Variants in ARHGAP42 observed in about 807,000 individuals in gnomAD.
ARHGAP42 encodes rho GTPase-activating protein 42.
ARHGAP42 carries 63 observed loss-of-function variants against 125.0 expected under a neutral mutation model. The observed-to-expected ratio is 0.50, with a 90% CI of 0.41 to 0.62. The LOEUF is 0.62. ARHGAP42 is among the 20% of genes least tolerant of loss of function. The pLI is 0.00. For synonymous variants in ARHGAP42, 339 were observed against 351.0 expected (o/e 0.97, Z 0.38); for missense variants, 766 against 1,024.2 (o/e 0.75, Z 3.44).
At chr11:100,892,871 T>C (rs532358467) in intron 4 of ARHGAP42, among the ~76,000 whole-genome samples, 47 of 152,234 alleles carry the variant, frequency 3.1e-4, no homozygotes, top group Admixed American at 4.6e-4. Context: ...TACTAAAGAG[T>C]TGAAAAATTC....
At chr11:100,937,767 A>G (rs1229385374) in intron 8 of ARHGAP42, among the ~76,000 whole-genome samples, 1 of 152,222 alleles carries the variant, frequency 6.6e-6, no homozygotes, top group Non-Finnish European at 1.5e-5. Flanking sequence ...ATTAGCTTGC[A>G]ATATTATTTT....
At position 100,797,018 on chromosome 11, in the gene ARHGAP42, T is replaced by C. The variant is rs546940524; in HGVS notation, c.312+1852T>C. 8.6e-4 allele frequency among the ~76,000 whole-genome samples: 131 copies of C among 152,246 alleles called. 1 individual carries two copies. Among genetic ancestry groups the C allele is most frequent in the African/African-American group, 3.1e-3 (127 of 41,556 alleles). On this transcript the variant is annotated intron_variant, in intron 3 of 23. Transcript: ENST00000298815. ...TCCTGACCTCGTGATCAGCCTGCCT[T>C]GGCCTCCCAAAATGCTGGGATTACA...
At chr11:100,875,773 G>A (rs1188101876) in intron 4 of ARHGAP42, among the ~76,000 whole-genome samples, 1 of 151,882 alleles carries the variant, frequency 6.6e-6, no homozygotes, top group African/African-American at 2.4e-5. Context: ...GGGGGTGACT[G>A]GACAGGGCCA....
At chr11:100,841,812 C>G (rs1199692466) in intron 3 of ARHGAP42, among the ~76,000 whole-genome samples, 1 of 152,168 alleles carries the variant, frequency 6.6e-6, no homozygotes, top group South Asian at 2.1e-4. Flanking sequence ...AAGGTATCTC[C>G]TCACTGAGGC....
At chr11:100,814,666 G>A (rs1406642208) in intron 3 of ARHGAP42, among the ~76,000 whole-genome samples, 6 of 152,060 alleles carry the variant, frequency 3.9e-5, no homozygotes, top group Non-Finnish European at 7.4e-5. Flanking sequence ...CAAACTGGAG[G>A]GAGAGAGAGA....
In ARHGAP42 at chr11:100,976,361, C is replaced by G; in HGVS notation, c.2160C>G (p.Val720=). The stretch of plus-strand genomic sequence containing the variant: ...ACGTTTCCCCACCCATAGACCTAGT[C>G]AAGAAAGAGCCTTATGGGCTTTCAG... ...PGDVSPPIDL[V]KKEPYGLSGL... is the part of the protein sequence containing the mutation. Residue 720 remains valine, a synonymous_variant, in exon 20 of 24, where the codon GTC becomes GTG. Transcript: ENST00000298815. 1 of 1,551,152 alleles carries G rather than the reference C, an allele frequency of 6.4e-7. No individual in the cohort carries two copies. The highest frequency in any genetic ancestry group is 2.0e-5 in the Admixed American group (1 of 50,838).
intron 7 of ARHGAP42, among the ~76,000 whole-genome samples, chr11:100,934,998 A>G (rs574818934): frequency 6.6e-6 from 1 of 152,286 alleles, no homozygotes; most frequent in South Asian, 2.1e-4. Flanking sequence ...TTACTTCCAC[A>G]TTAAATAAAA....
At chr11:100,932,986 T>A (rs11224521) in intron 6 of ARHGAP42, among the ~76,000 whole-genome samples, 170 bp from the exon 7 acceptor site, 2 of 152,334 alleles carry the variant, frequency 1.3e-5, no homozygotes, top group East Asian at 3.9e-4. Context: ...ATAAAAATCC[T>A]TTTGTGGTTT....
At chr11:100,807,476 G>C (rs1222219109) in intron 3 of ARHGAP42, among the ~76,000 whole-genome samples, 1 of 152,162 alleles carries the variant, frequency 6.6e-6, no homozygotes, top group Non-Finnish European at 1.5e-5. Flanking sequence ...GATTACAGGC[G>C]TGAGCCACCG....
At chr11:100,876,416 T>G (rs534496076) in intron 4 of ARHGAP42, among the ~76,000 whole-genome samples, 4 of 122,300 alleles carry the variant, frequency 3.3e-5, no homozygotes, top group African/African-American at 9.3e-5. Context: ...GAAGGTCAGG[T>G]AAAAACACTT....
chr11:100,795,438 G>C (rs1157262249), intron 3 of ARHGAP42, among the ~76,000 whole-genome samples: 1 of 152,054 alleles, frequency 6.6e-6, no homozygotes, highest in Non-Finnish European at 1.5e-5. Context: ...ATATTGATCA[G>C]ACTGCCATTA....
At chr11:100,708,071 C>T (rs1362497993) in intron 1 of ARHGAP42, among the ~76,000 whole-genome samples, 1 of 152,192 alleles carries the variant, frequency 6.6e-6, no homozygotes, top group Non-Finnish European at 1.5e-5. Context: ...TGTATGTACA[C>T]TGAGTAGCCC....
At chr11:100,735,568 GA>G (rs1758865557) in intron 1 of ARHGAP42, among the ~76,000 whole-genome samples, 1 of 149,582 alleles carries the variant, frequency 6.7e-6, no homozygotes, top group East Asian at 2.0e-4. Context: ...AAAAACTGGG[GA>G]AAGGTTGGTG....
At chr11:100,789,684 G>A (rs1489422483) in intron 2 of ARHGAP42, among the ~76,000 whole-genome samples, 1 of 152,114 alleles carries the variant, frequency 6.6e-6, no homozygotes, top group African/African-American at 2.4e-5. Context: ...CTCCAAATCT[G>A]CTGAGTCATG....
At chr11:100,841,377 T>C (rs1864943630) in intron 3 of ARHGAP42, among the ~76,000 whole-genome samples, 1 of 152,110 alleles carries the variant, frequency 6.6e-6, no homozygotes, top group Admixed American at 6.6e-5. Context: ...GGGGCAGAAC[T>C]TCCCCTCAAC....
rs1261532996 is a variant in ARHGAP42 at position 100,959,774 on chromosome 11, G to GA, written c.1163-103dup. Reference sequence around the variant, plus strand: ...CTAACCAAAATATTTGGAAGACTCAGAAAAAACCTCTCTACTGTTGAGTCA... The same window carrying GA: ...CTAACCAAAATATTTGGAAGACTCAGAAAAAAACCTCTCTACTGTTGAGTCA... On this transcript the variant is annotated intron_variant, in intron 12 of 23. Coordinates refer to ENST00000298815, the MANE Select transcript of ARHGAP42 (RefSeq NM_152432.4). 25 of 1,029,568 alleles carry GA rather than the reference G, an allele frequency of 2.4e-5. 1 individual carries two copies. In the South Asian group the frequency reaches 2.7e-4, roughly 11 times the overall value. 63.8% of individuals were successfully genotyped at this position (1,029,568 alleles called of 1,614,324 possible).
chr11:100,779,920 G>A (rs887096898), intron 2 of ARHGAP42, among the ~76,000 whole-genome samples: 2 of 151,552 alleles, frequency 1.3e-5, no homozygotes, highest in Admixed American at 6.6e-5. Context: ...CAGCTACTCG[G>A]GAGGCTGAGG....
intron 1 of ARHGAP42, among the ~76,000 whole-genome samples, chr11:100,695,415 T>C (rs1318339685): frequency 6.6e-6 from 1 of 152,118 alleles, no homozygotes; most frequent in Non-Finnish European, 1.5e-5. Flanking sequence ...GCTATTCTCC[T>C]GCCTCAGCCT....
intron 4 of ARHGAP42, among the ~76,000 whole-genome samples, chr11:100,887,240 C>CTGGGTACTGG (rs1565259827): frequency 3.9e-5 from 6 of 152,106 alleles, no homozygotes; most frequent in Non-Finnish European, 7.4e-5. Flanking sequence ...GACCCAGTAC[C>CTGGGTACTGG]GTGCTGAGTA....
Sources: gnomAD v4.1 joint callset for allele counts (sites outside exome capture counted in the v4.1 genomes callset) on GRCh38, gnomAD v4.1.1 for gene constraint, MANE v1.5 for transcripts, NCBI Gene and HGNC (gene_info 2026-07-23, HGNC 2026-07-21) for gene names.